Variants in SS18L1 observed in about 807,000 individuals in gnomAD.
SS18L1 encodes the protein calcium-responsive transactivator.
SS18L1 carries 32 observed loss-of-function variants against 70.3 expected under a neutral mutation model. The observed-to-expected ratio is 0.46, with a 90% CI of 0.34 to 0.61. The LOEUF (loss-of-function observed/expected upper bound fraction) is 0.61. SS18L1 is among the 20% of genes least tolerant of loss of function. The pLI, the probability that SS18L1 is intolerant of heterozygous loss-of-function variation, is 0.01. For missense variants in SS18L1, 430 were observed against 542.1 expected (o/e 0.79, Z 2.05); for synonymous variants, 237 against 229.7 (o/e 1.03, Z -0.29).
Position 62,179,451 on chromosome 20 carries a change from A to G in SS18L1, c.*243A>G. On this transcript the variant is annotated 3_prime_UTR_variant, in exon 11 of 11. Transcript: ENST00000331758. ...TAGTATTGTATGTCGGTACACGGAGAGGTATCCTTTTTTTGTCCCCCGCCC... is the reference window on the plus strand; with the variant it reads ...TAGTATTGTATGTCGGTACACGGAGGGGTATCCTTTTTTTGTCCCCCGCCC... 1 of 555,796 alleles carries G rather than the reference A, an allele frequency of 1.8e-6. No individual in the cohort carries two copies. Among genetic ancestry groups the G allele is most frequent in the Non-Finnish European group, 3.2e-6 (1 of 310,664 alleles). The allele number at this position is 555,796 out of a possible 1,614,324, so 34.4% of individuals were successfully genotyped here. A position where few individuals can be genotyped will look rare whatever the true frequency, so the allele number is the denominator to read the frequency against.
At chr20:62,168,215 G>A (rs562528848) in intron 8 of SS18L1, among the ~76,000 whole-genome samples, 3 of 152,138 alleles carry the variant, frequency 2.0e-5, no homozygotes, top group South Asian at 2.1e-4. Flanking sequence ...ACCTCTTAAG[G>A]CCAGTAAGAC....
Position 62,161,091 on chromosome 20 carries a change from C to T in SS18L1, c.232-345C>T, listed in dbSNP as rs1354248141. On this transcript the variant is annotated intron_variant, in intron 3 of 10. Coordinates refer to ENST00000331758, the MANE Select transcript of SS18L1 (RefSeq NM_198935.3). The surrounding 1 kb of genome is among the most constrained non-coding windows in gnomAD (Gnocchi z 4.4). Reference sequence around the variant, plus strand: ...TTGGGGAGCACAGAGGCGCTGGTCACCTGCGCCCGAGGGGGACGGGGTGCG... The same window carrying T: ...TTGGGGAGCACAGAGGCGCTGGTCATCTGCGCCCGAGGGGGACGGGGTGCG... Among the ~76,000 whole-genome samples, 1 of 151,764 alleles carries T rather than the reference C, an allele frequency of 6.6e-6. No individual in the cohort carries two copies. The highest frequency in any genetic ancestry group is 6.6e-5 in the Admixed American group (1 of 15,202).
chr20:62,173,247 TCACC>T, intron 9 of SS18L1, among the ~76,000 whole-genome samples: 1 of 152,140 alleles, frequency 6.6e-6, no homozygotes, highest in South Asian at 2.1e-4. Flanking sequence ...CAGCTTACAA[TCACC>T]CAGGAAACTT....
chr20:62,162,852 G>A lies in SS18L1; in HGVS notation c.477G>A (p.Ser159=), dbSNP rs61744430. ...GCTACAGCCACGCGGGACCCGCCTC[G>A]CAGGGCGTCCCCATGCAGGGGCAAG... The part of the protein sequence containing the change: ...GPGYSHAGPA[S]QGVPMQGQGT... Residue 159 remains serine, a synonymous_variant, in exon 5 of 11, where the codon TCG becomes TCA. Coordinates refer to ENST00000331758, the MANE Select transcript of SS18L1 (RefSeq NM_198935.3). 87,192 of 1,612,798 alleles carry A rather than the reference G, an allele frequency of 0.054. 3,050 individuals are homozygous for A. The highest frequency in any genetic ancestry group is 0.16 in the African/African-American group (12,110 of 75,000).
chr20:62,161,383 G>T lies in SS18L1; in HGVS notation c.232-53G>T. 1 of 1,612,126 alleles carries T rather than the reference G, an allele frequency of 6.2e-7. No individual in the cohort carries two copies. Among genetic ancestry groups the T allele is most frequent in the Non-Finnish European group, 8.5e-7 (1 of 1,179,784 alleles). Reference sequence around the variant, plus strand: ...CTCATCCCTGGCCTGGCTTGTGGAGGTCGCTCTCCGTAAATTAACCGTTTT... The same window carrying T: ...CTCATCCCTGGCCTGGCTTGTGGAGTTCGCTCTCCGTAAATTAACCGTTTT... On this transcript the variant is annotated intron_variant, in intron 3 of 10. Coordinates refer to ENST00000331758, the MANE Select transcript of SS18L1 (RefSeq NM_198935.3). This position sits in a 1 kb window ranked among gnomAD's most constrained non-coding sequence, Gnocchi z 4.4.
In SS18L1 at chr20:62,159,839, C is replaced by T. The variant is rs1352235105; in HGVS notation, c.147-38C>T. The stretch of plus-strand genomic sequence containing the variant: ...TGGATCCACGTGGGGACTCTGTGGT[C>T]CCGTCGTCCTGCCTCATGCGTGCCC... On this transcript the variant is annotated intron_variant, in intron 2 of 10. Transcript: ENST00000331758. The surrounding 1 kb of genome is among the most constrained non-coding windows in gnomAD (Gnocchi z 4.4). The T allele has an allele frequency of 6.3e-7, 1 of 1,597,968 alleles. No homozygotes were observed. The highest frequency in any genetic ancestry group is 8.5e-7 in the Non-Finnish European group (1 of 1,171,438).
chr20:62,178,544 C>G (rs1360188450), intron 10 of SS18L1, among the ~76,000 whole-genome samples: 3 of 152,144 alleles, frequency 2.0e-5, no homozygotes, highest in Non-Finnish European at 2.9e-5. Context: ...AGTCCTCCTG[C>G]CTCGGCCTCC....
chr20:62,178,539 TC>T (rs966325972), intron 10 of SS18L1, among the ~76,000 whole-genome samples: 2 of 152,064 alleles, frequency 1.3e-5, no homozygotes, highest in African/African-American at 4.8e-5. Flanking sequence ...CAAGCAGTCC[TC>T]CTGCCTCGGC....
intron 1 of SS18L1, among the ~76,000 whole-genome samples, chr20:62,151,959 C>T (rs534235217): frequency 6.7e-6 from 1 of 149,332 alleles, no homozygotes; most frequent in South Asian, 2.1e-4. Context: ...CTGGCCTCCC[C>T]CGTTCCCCTC....
Position 62,180,634 on chromosome 20 carries a change from G to A in SS18L1, c.*1426G>A, listed in dbSNP as rs1360498366. On this transcript the variant is annotated 3_prime_UTR_variant, in exon 11 of 11. Coordinates refer to ENST00000331758, the MANE Select transcript of SS18L1 (RefSeq NM_198935.3). ...AGTAATTCTTGGCGTGGTGGTTCAC[G>A]CCTGTAATCCCAGCACTTTGGGAGG... 2.4e-5 allele frequency: 4 copies of A among 167,488 alleles called. No individual in the cohort carries two copies. In the East Asian group the frequency reaches 3.4e-4, roughly 14 times the overall value. 10.4% of individuals were successfully genotyped at this position (167,488 alleles called of 1,614,324 possible).
intron 1 of SS18L1, among the ~76,000 whole-genome samples, chr20:62,148,343 C>G (rs6062081): frequency 8.4e-5 from 11 of 130,826 alleles, no homozygotes; most frequent in African/African-American, 2.1e-4. Flanking sequence ...CCTCCTTGCT[C>G]TCTTCGGTCA....
chr20:62,177,274 G>A (rs930307340), intron 10 of SS18L1, among the ~76,000 whole-genome samples: 2 of 149,000 alleles, frequency 1.3e-5, no homozygotes, highest in African/African-American at 5.1e-5. Context: ...GCGAAACTCT[G>A]TCTCAAAAAA....
In SS18L1 at chr20:62,158,204, GGTC is replaced by G. The variant is rs2057257847; in HGVS notation, c.70-467_70-465del. 6.6e-6 allele frequency among the ~76,000 whole-genome samples: 1 copy of G among 152,088 alleles called. No homozygotes were observed. The highest frequency in any genetic ancestry group is 2.4e-5 in the African/African-American group (1 of 41,406). ...CCGTCAAGGGCCCTGGAAGCTGGAG[GGTC>G]CTTCGGGCTGGGGGCTGCTGGGGGC... On this transcript the variant is annotated intron_variant, in intron 1 of 10. Transcript: ENST00000331758. The surrounding 1 kb of genome is among the most constrained non-coding windows in gnomAD (Gnocchi z 4.5).
chr20:62,167,058 T>C (rs1263326790), intron 8 of SS18L1, among the ~76,000 whole-genome samples: 1 of 138,620 alleles, frequency 7.2e-6, no homozygotes, highest in Non-Finnish European at 1.5e-5. Flanking sequence ...TTTTTTTTTT[T>C]TTTTTGAGAC....
intron 3 of SS18L1, among the ~76,000 whole-genome samples, chr20:62,160,214 G>C (rs111786982): frequency 1.1e-4 from 15 of 137,144 alleles, no homozygotes; most frequent in African/African-American, 4.6e-4. Flanking sequence ...AGGGAGGGAA[G>C]CCCCGGAGAA....
intron 8 of SS18L1, among the ~76,000 whole-genome samples, chr20:62,169,138 G>C (rs1372540523): frequency 6.6e-6 from 1 of 152,240 alleles, no homozygotes; most frequent in African/African-American, 2.4e-5. Context: ...ATACTGGACA[G>C]AGCGCAGCCC....
chr20:62,144,670 A>G (rs1264471465), intron 1 of SS18L1, among the ~76,000 whole-genome samples: 2 of 152,220 alleles, frequency 1.3e-5, no homozygotes, highest in Non-Finnish European at 2.9e-5. Flanking sequence ...TTTTCAAGAG[A>G]CAGCGTTTAT....
At chr20:62,147,556 T>A (rs988817144) in intron 1 of SS18L1, among the ~76,000 whole-genome samples, 1 of 152,180 alleles carries the variant, frequency 6.6e-6, no homozygotes, top group Non-Finnish European at 1.5e-5. Context: ...TTACTGTTTC[T>A]GTTTGTATTG....
chr20:62,154,919 C>A (rs1440100493), intron 1 of SS18L1, among the ~76,000 whole-genome samples: 2 of 150,892 alleles, frequency 1.3e-5, no homozygotes, highest in East Asian at 3.9e-4. Context: ...TTCCAGGACT[C>A]CTCCTCAACT....
Sources: allele counts gnomAD v4.1 joint callset (sites outside exome capture counted in the v4.1 genomes callset), GRCh38; gene constraint gnomAD v4.1.1; non-coding constraint Gnocchi (gnomAD v3.1); transcripts MANE v1.5; gene names NCBI Gene and HGNC (gene_info 2026-07-23, HGNC 2026-07-21).